Variants in TMEM198 observed in about 807,000 individuals in gnomAD.
TMEM198 encodes the protein transmembrane protein 198.
Under a neutral mutation model 31.5 loss-of-function variants are expected in TMEM198, and 21 were observed. That is an observed-to-expected ratio of 0.67 (90% CI 0.47 to 0.96). The LOEUF (loss-of-function observed/expected upper bound fraction) is 0.96. TMEM198 is among the 40% of genes least tolerant of loss of function. The pLI is 0.00. For missense variants in TMEM198, 447 were observed against 499.4 expected (o/e 0.89, Z 1.00); for synonymous variants, 211 against 223.3 (o/e 0.95, Z 0.49).
In TMEM198 at chr2:219,544,743, G is replaced by C. The variant is rs757325615; in HGVS notation, c.16G>C (p.Ala6Pro). MPGTV[A>P]TLRFQLLPPE... The stretch of plus-strand genomic sequence containing the variant: ...TCCCAGCACTATGCCGGGGACTGTG[G>C]CAACACTGCGGTTCCAGCTGCTGCC... The change falls in exon 2 of 5, where the codon GCA becomes CCA. Residue 6 changes from alanine (A) to proline (P), a missense_variant. Physicochemically the swap from Ala to Pro is conservative, Grantham distance 27. Transcript: ENST00000373883. The C allele has an allele frequency of 2.0e-5, 33 of 1,613,938 alleles. No homozygotes were observed. The East Asian group carries it at 7.4e-4, about 36-fold the overall frequency.
chr2:219,544,471 C>G (rs1354664839), intron 1 of TMEM198, 94 bp downstream of exon 1: 1 of 582,004 alleles, frequency 1.7e-6, no homozygotes, highest in Non-Finnish European at 3.1e-6. Flanking sequence ...ATCCCCCCGA[C>G]TCCCGTCCCT....
chr2:219,545,682 G>A (rs1394734192), intron 2 of TMEM198, among the ~76,000 whole-genome samples: 3 of 152,222 alleles, frequency 2.0e-5, no homozygotes, highest in African/African-American at 7.2e-5. Flanking sequence ...CTTCAGAGAG[G>A]AGAGTGAGCT....
In TMEM198 at chr2:219,547,583, C is replaced by T. The variant is rs753064498; in HGVS notation, c.244C>T (p.Arg82Ter). Residue 82 changes from arginine to a stop codon, truncating the protein, a stop_gained, in exon 3 of 5, where the codon CGA (arginine) becomes TGA (stop). Coordinates refer to ENST00000373883, the MANE Select transcript of TMEM198 (RefSeq NM_001005209.3). LOFTEE classifies it high-confidence loss of function. Reference protein sequence around the residue: ...GSVVIFLLCYRERVLETQLSA... With the variant: ...GSVVIFLLCY Reference sequence around the variant, plus strand: ...GGTGGTCATCTTCCTCCTCTGCTACCGAGAGCGGGTGCTAGAGACACAGCT... The same window carrying T: ...GGTGGTCATCTTCCTCCTCTGCTACTGAGAGCGGGTGCTAGAGACACAGCT... The T allele has an allele frequency of 8.8e-6, 13 of 1,470,642 alleles. No homozygotes were observed. The highest frequency in any genetic ancestry group is 1.5e-5 in the South Asian group (1 of 67,914). 91.1% of individuals were successfully genotyped at this position (1,470,642 alleles called of 1,614,324 possible).
chr2:219,544,191 G>C lies in TMEM198; in HGVS notation c.-226G>C, dbSNP rs750145032. 2.2e-6 allele frequency: 1 copy of C among 461,170 alleles called. No homozygotes were observed. The highest frequency in any genetic ancestry group is 4.4e-6 in the Non-Finnish European group (1 of 227,100). 28.6% of individuals were successfully genotyped at this position (461,170 alleles called of 1,614,324 possible). Reference sequence around the variant, plus strand: ...CGCCGCGGGACTGGAGTGCCAGCCGGTGTTGGACGTGGAGCGGCGCCGCCA... The same window carrying C: ...CGCCGCGGGACTGGAGTGCCAGCCGCTGTTGGACGTGGAGCGGCGCCGCCA... On this transcript the variant is annotated 5_prime_UTR_variant, in exon 1 of 5. Transcript: ENST00000373883.
At chr2:219,548,158 G>C in intron 3 of TMEM198, 77 bp downstream of exon 3, 1 of 1,322,524 alleles carries the variant, frequency 7.6e-7, no homozygotes. Context: ...TGACTGGGGA[G>C]TGGGGGACAG....
chr2:219,546,962 T>C (rs1447028560), intron 2 of TMEM198, among the ~76,000 whole-genome samples: 1 of 152,102 alleles, frequency 6.6e-6, no homozygotes, highest in Non-Finnish European at 1.5e-5. Flanking sequence ...GTATTTTTAG[T>C]AGAGACGGGG....
chr2:219,547,811 C>A lies in TMEM198; in HGVS notation c.472C>A (p.Leu158Met). 6.3e-7 allele frequency: 1 copy of A among 1,591,820 alleles called. No individual in the cohort carries two copies. Among genetic ancestry groups the A allele is most frequent in the Non-Finnish European group, 8.5e-7 (1 of 1,175,420 alleles). The part of the protein sequence containing the change: ...GPLGLLLGGG[L>M]LCALLTLRWP... The stretch of plus-strand genomic sequence containing the variant: ...ACTGGGGCTGTTGCTGGGGGGCGGC[C>A]TGCTCTGTGCCCTGCTCACTCTGCG... The change falls in exon 3 of 5, where the codon CTG becomes ATG. Residue 158 changes from leucine to methionine, a missense_variant. Coordinates refer to ENST00000373883, the MANE Select transcript of TMEM198 (RefSeq NM_001005209.3).
chr2:219,544,910 ATCCCTCAC>A lies in TMEM198; in HGVS notation c.166+18_166+25del, dbSNP rs750606413. ...GCTTCTTCGGTGAGATCCCCATCTC[ATCCCTCAC>A]CTGGGCTCCCCAGTGTTTCCCCGAG... On this transcript the variant is annotated intron_variant, in intron 2 of 4. Coordinates refer to ENST00000373883, the MANE Select transcript of TMEM198 (RefSeq NM_001005209.3). 5.0e-6 allele frequency: 8 copies of A among 1,609,658 alleles called. No homozygotes were observed. The South Asian group carries it at 8.8e-5, about 18-fold the overall frequency.
intron 2 of TMEM198, among the ~76,000 whole-genome samples, chr2:219,546,009 T>A (rs1695380739): frequency 6.6e-6 from 1 of 152,132 alleles, no homozygotes; most frequent in South Asian, 2.1e-4. Flanking sequence ...ACCCACTCCC[T>A]CTGCATGTTG....
upstream of TMEM198, chr2:219,543,927 A>T (rs1695335199): frequency 1.1e-5 from 4 of 350,654 alleles, no homozygotes; most frequent in Non-Finnish European, 2.2e-5. Context: ...GGAGAGGGAG[A>T]CGCCGGGGGC....
Position 219,547,630 on chromosome 2 carries a change from C to T in TMEM198, c.291C>T (p.Gly97=). 1 of 1,515,534 alleles carries T rather than the reference C, an allele frequency of 6.6e-7. No individual in the cohort carries two copies. The allele number at this position is 1,515,534 out of a possible 1,614,324, so 93.9% of individuals were successfully genotyped here. A position where few individuals can be genotyped will look rare whatever the true frequency, so the allele number is the denominator to read the frequency against. The change falls in exon 3 of 5, where the codon GGC becomes GGT. Residue 97 remains glycine (G), a synonymous_variant. Transcript: ENST00000373883. ...ETQLSAGASA[G]IALGIGLLCG... ...AGCTGAGTGCTGGGGCGAGCGCGGG[C>T]ATCGCTCTGGGCATCGGGCTGCTCT...
upstream of TMEM198, chr2:219,544,027 C>T (rs1695337975): frequency 2.8e-6 from 1 of 363,476 alleles, no homozygotes; most frequent in Admixed American, 3.5e-5. Context: ...CCCTGAGTGA[C>T]GTCAGGAGCA....
At position 219,544,841 on chromosome 2, in the gene TMEM198, G is replaced by A. The variant is rs1448228203; in HGVS notation, c.114G>A (p.Pro38=). The change falls in exon 2 of 5, where the codon CCG becomes CCA. Residue 38 remains proline, a synonymous_variant. Transcript: ENST00000373883. ...TGGAGCGCAGGTACCAGGCACTGCC[G>A]GCCCTCGTCTGCATCATGTGCTGTT... ...QPLERRYQAL[P]ALVCIMCCLF... 6.2e-7 allele frequency: 1 copy of A among 1,614,206 alleles called. No individual in the cohort carries two copies. The highest frequency in any genetic ancestry group is 1.3e-5 in the African/African-American group (1 of 75,042).
Position 219,547,952 on chromosome 2 carries a change from C to G in TMEM198, c.613C>G (p.Leu205Val). Residue 205 changes from leucine (L) to valine (V), a missense_variant, in exon 3 of 5, where the codon CTC (leucine) becomes GTC (valine). Physicochemically the swap from Leu to Val is conservative, Grantham distance 32. Transcript: ENST00000373883. ...LLLGRYVVER[L>V]RAAPVPPLCW... is the part of the protein sequence containing the mutation. The stretch of plus-strand genomic sequence containing the variant: ...GCTGGGGCGCTACGTGGTGGAGCGA[C>G]TCCGGGCTGCTCCTGTGCCCCCACT... 6.3e-7 allele frequency: 1 copy of G among 1,589,724 alleles called. No homozygotes were observed. Among genetic ancestry groups the G allele is most frequent in the Non-Finnish European group, 8.5e-7 (1 of 1,174,062 alleles).
intron 3 of TMEM198, 22 bp from the exon 4 acceptor site, chr2:219,549,130 T>C (rs1204832072): frequency 6.2e-7 from 1 of 1,613,524 alleles, no homozygotes; most frequent in East Asian, 2.2e-5. Flanking sequence ...TCTGAGCTCC[T>C]TCTCTACCCA....
chr2:219,546,760 C>A lies in TMEM198; in HGVS notation c.167-746C>A, dbSNP rs149093265. Among the ~76,000 whole-genome samples the A allele has an allele frequency of 4.3e-3, 637 of 149,234 alleles. 4 individuals carry two copies. Among genetic ancestry groups the A allele is most frequent in the Non-Finnish European group, 7.2e-3 (485 of 67,760 alleles). On this transcript the variant is annotated intron_variant, in intron 2 of 4. Transcript: ENST00000373883. The stretch of plus-strand genomic sequence containing the variant: ...GACTCATCTTTCTGAACCTGTGTGA[C>A]CCTCACCTCTCAAGTTTCTTTTTTT...
chr2:219,549,505 G>GGGACCA, intron 4 of TMEM198, 151 bp downstream of exon 4: 2 of 1,248,212 alleles, frequency 1.6e-6, no homozygotes, highest in Non-Finnish European at 2.2e-6. Context: ...CATGCACCAG[G>GGGACCA]GGCTTGGCGG....
At chr2:219,545,950 G>A (rs1456805076) in intron 2 of TMEM198, among the ~76,000 whole-genome samples, 3 of 152,146 alleles carry the variant, frequency 2.0e-5, no homozygotes, top group South Asian at 2.1e-4. Context: ...TTCAGGACAC[G>A]TTCTGGGCCT....
chr2:219,544,445 G>A, intron 1 of TMEM198, 68 bp downstream of exon 1: 1 of 566,056 alleles, frequency 1.8e-6, no homozygotes, highest in Middle Eastern at 2.7e-4. Context: ...CTTCTCACTG[G>A]CAGCACGCTC....
Sources: allele counts gnomAD v4.1 joint callset (sites outside exome capture counted in the v4.1 genomes callset), GRCh38; gene constraint gnomAD v4.1.1; transcripts MANE v1.5; gene names NCBI Gene and HGNC (gene_info 2026-07-23, HGNC 2026-07-21).